AGBL4: variants seen among roughly 807,000 people sequenced by gnomAD.
AGBL4 encodes the protein cytosolic carboxypeptidase 6.
AGBL4 carries 58 observed loss-of-function variants against 66.4 expected under a neutral mutation model. The observed-to-expected ratio is 0.87, with a 90% confidence interval of 0.71 to 1.09. The LOEUF (loss-of-function observed/expected upper bound fraction) is 1.09, where lower values mean the gene tolerates loss of function less well. Among genes scored for constraint, AGBL4 ranks in the 50% least tolerant of loss-of-function variants. AGBL4 has a pLI of 0.00. For synonymous variants in AGBL4, 234 were observed against 222.9 expected (o/e 1.05, Z -0.44); for missense variants, 579 against 631.0 (o/e 0.92, Z 0.88).
At chr1:49,846,314 G>A (rs918925108) in intron 2 of AGBL4, 30 of 1,530,960 alleles carry the variant, frequency 2.0e-5, no homozygotes, top group Admixed American at 1.5e-4. Context: ...CCACACAGGA[G>A]AGAAGCCATA....
chr1:49,071,390 A>C (rs1438157973), intron 4 of AGBL4, among the ~76,000 whole-genome samples: 5 of 151,832 alleles, frequency 3.3e-5, no homozygotes, highest in Admixed American at 3.3e-4. Flanking sequence ...TAGTGCTATA[A>C]ATTTCCCTCT....
At chr1:49,748,046 G>A (rs189553810) in intron 2 of AGBL4, among the ~76,000 whole-genome samples, 8 of 151,616 alleles carry the variant, frequency 5.3e-5, no homozygotes, top group Non-Finnish European at 8.8e-5. Context: ...ATACATGTGC[G>A]GAATGTGCAG....
At chr1:48,733,416 T>C (rs1648475437) in intron 6 of AGBL4, among the ~76,000 whole-genome samples, 2 of 152,180 alleles carry the variant, frequency 1.3e-5, no homozygotes, top group Admixed American at 1.3e-4. Flanking sequence ...GCCTCAAAAC[T>C]GTGGAAATTC....
intron 5 of AGBL4, among the ~76,000 whole-genome samples, chr1:48,873,805 C>T (rs974846282): frequency 6.6e-6 from 1 of 152,034 alleles, no homozygotes; most frequent in Non-Finnish European, 1.5e-5. Context: ...AGGAATTGGA[C>T]CACAGAGAAT....
At chr1:49,986,277 T>C (rs1659499459) in intron 1 of AGBL4, among the ~76,000 whole-genome samples, 1 of 152,004 alleles carries the variant, frequency 6.6e-6, no homozygotes, top group Non-Finnish European at 1.5e-5. Context: ...TCCAACAACA[T>C]GGAGTAGTTT....
At chr1:49,567,078 G>A (rs1308114941) in intron 3 of AGBL4, among the ~76,000 whole-genome samples, 4 of 152,186 alleles carry the variant, frequency 2.6e-5, no homozygotes, top group East Asian at 3.8e-4. Flanking sequence ...GCGAGGCTCC[G>A]TGGGCATAGG....
chr1:49,273,486 TAA>T (rs1644104195), intron 3 of AGBL4, among the ~76,000 whole-genome samples: 1 of 150,450 alleles, frequency 6.6e-6, no homozygotes, highest in South Asian at 2.1e-4. Context: ...TTAAAAATTA[TAA>T]GAGGTTATAC....
intron 3 of AGBL4, among the ~76,000 whole-genome samples, chr1:49,651,368 G>T (rs894467745): frequency 1.3e-5 from 2 of 152,070 alleles, no homozygotes; most frequent in Non-Finnish European, 2.9e-5. Context: ...GGCTGTGAAA[G>T]AAGGAGCTAG....
At chr1:49,964,415 A>C (rs1657381421) in intron 1 of AGBL4, among the ~76,000 whole-genome samples, 1 of 152,130 alleles carries the variant, frequency 6.6e-6, no homozygotes, top group South Asian at 2.1e-4. Flanking sequence ...TAGTACCTGA[A>C]GACCTGATCA....
At chr1:49,432,145 C>A (rs1645801702) in intron 3 of AGBL4, among the ~76,000 whole-genome samples, 1 of 152,196 alleles carries the variant, frequency 6.6e-6, no homozygotes. Flanking sequence ...ATCACCCCAG[C>A]ACCTGGACCT....
At chr1:49,773,474 C>T (rs893786300) in intron 2 of AGBL4, among the ~76,000 whole-genome samples, 7 of 152,100 alleles carry the variant, frequency 4.6e-5, no homozygotes, top group Admixed American at 2.0e-4. Context: ...GGGTGTCAAC[C>T]GGAAACACTG....
At chr1:48,967,624 C>T (rs753824196) in intron 5 of AGBL4, among the ~76,000 whole-genome samples, 37 of 152,240 alleles carry the variant, frequency 2.4e-4, no homozygotes, top group African/African-American at 5.5e-4. Context: ...GCCAAAAGAA[C>T]GCTTCCTGGA....
At chr1:49,688,477 T>C (rs1291899219) in intron 3 of AGBL4, among the ~76,000 whole-genome samples, 1 of 152,204 alleles carries the variant, frequency 6.6e-6, no homozygotes, top group Admixed American at 6.5e-5. Flanking sequence ...TCCATTCATC[T>C]GTTGACAGAC....
At chr1:49,663,947 G>C (rs1002964198) in intron 3 of AGBL4, among the ~76,000 whole-genome samples, 4 of 151,764 alleles carry the variant, frequency 2.6e-5, no homozygotes, top group Non-Finnish European at 5.9e-5. Context: ...ATGATATTGA[G>C]AACCAGAAAA....
At chr1:49,788,331 G>A (rs1644510962) in intron 2 of AGBL4, among the ~76,000 whole-genome samples, 1 of 151,690 alleles carries the variant, frequency 6.6e-6, no homozygotes, top group African/African-American at 2.4e-5. Flanking sequence ...AACAAAAACA[G>A]AGGATAAAAA....
intron 2 of AGBL4, among the ~76,000 whole-genome samples, chr1:49,783,087 C>A (rs1644374425): frequency 6.6e-6 from 1 of 151,944 alleles, no homozygotes; most frequent in African/African-American, 2.4e-5. Flanking sequence ...TTTGCTCATG[C>A]CTGGTCTTGT....
At chr1:49,442,281 A>C (rs746093759) in intron 3 of AGBL4, among the ~76,000 whole-genome samples, 1 of 152,244 alleles carries the variant, frequency 6.6e-6, no homozygotes, top group Non-Finnish European at 1.5e-5. Context: ...ATTATAATGT[A>C]ACATATAAAA....
In AGBL4 at chr1:48,856,962, A is replaced by G. The variant is rs551417342; in HGVS notation, c.634+10229T>C. ...AAGGGATAATATCACAGATGAAGTG[A>G]TATTTCTATGCAGCAGTGAAAAAGA... On this transcript the variant is annotated intron_variant, in intron 6 of 13. Coordinates refer to ENST00000371839, the MANE Select transcript of AGBL4 (RefSeq NM_032785.4). 5.3e-5 allele frequency among the ~76,000 whole-genome samples: 8 copies of G among 152,300 alleles called. No homozygotes were observed. In the South Asian group the frequency reaches 1.7e-3, roughly 32 times the overall value.
intron 2 of AGBL4, 41 bp from the exon 3 acceptor site, chr1:49,697,478 T>A (rs1304979472): frequency 7.0e-7 from 1 of 1,429,954 alleles, no homozygotes; most frequent in Admixed American, 2.0e-5. Context: ...TAATAGAAGT[T>A]CATGCAGCTC....
Sources: gnomAD v4.1 joint callset for allele counts (sites outside exome capture counted in the v4.1 genomes callset) on GRCh38, gnomAD v4.1.1 for gene constraint, MANE v1.5 for transcripts, NCBI Gene and HGNC (gene_info 2026-07-23, HGNC 2026-07-21) for gene names.